The following PRELID2 variants were observed in gnomAD, a reference collection of about 807,000 sequenced individuals.
PRELID2 encodes PRELI domain containing 2, also known as PRELI domain-containing protein 2.
PRELID2 carries 25 observed loss-of-function variants against 28.4 expected under a neutral mutation model. That is an observed-to-expected ratio of 0.88 (90% CI 0.64 to 1.23). The LOEUF (loss-of-function observed/expected upper bound fraction) is 1.23, where lower values mean the gene tolerates loss of function less well. PRELID2 is among the 50% of genes most tolerant of loss of function. PRELID2 has a pLI of 0.00. For synonymous variants in PRELID2, 76 were observed against 71.6 expected, an observed-to-expected ratio of 1.06 and a Z score of -0.31; for missense variants, 201 against 214.4, an observed-to-expected ratio of 0.94 and a Z score of 0.39.
At chr5:145,775,670 C>G (rs143772101) in intron 5 of PRELID2, among the ~76,000 whole-genome samples, 3 of 152,322 alleles carry the variant, frequency 2.0e-5, no homozygotes, top group East Asian at 3.9e-4. Context: ...CCCTTCACTT[C>G]CCACTAAAAG....
intron 1 of PRELID2, among the ~76,000 whole-genome samples, chr5:145,639,137 C>T (rs547618500): frequency 6.6e-6 from 1 of 152,136 alleles, no homozygotes; most frequent in African/African-American, 2.4e-5. Context: ...TTACAAAGGT[C>T]CCTACAGAGC....
chr5:145,695,975 T>C (rs889666702), intron 1 of PRELID2, among the ~76,000 whole-genome samples: 19 of 152,124 alleles, frequency 1.2e-4, no homozygotes, highest in African/African-American at 4.3e-4. Context: ...GCTAATTAAC[T>C]ATGTTAACAT....
intron 1 of PRELID2, among the ~76,000 whole-genome samples, chr5:145,588,895 C>G (rs1242158489): frequency 6.7e-6 from 1 of 150,300 alleles, no homozygotes; most frequent in Admixed American, 6.6e-5. Context: ...AAAAAAAAAT[C>G]GTCATTTTCT....
intron 1 of PRELID2, among the ~76,000 whole-genome samples, chr5:145,638,397 A>C (rs1219497355): frequency 2.0e-5 from 3 of 149,760 alleles, no homozygotes; most frequent in Admixed American, 2.0e-4. Context: ...CCCTTCCCCC[A>C]CACACACAGT....
At chr5:145,376,386 G>A in the PRELID2 span, among the ~76,000 whole-genome samples, 1 of 152,094 alleles carries the variant, frequency 6.6e-6, no homozygotes, top group Non-Finnish European at 1.5e-5. Flanking sequence ...GCCAGGTTTT[G>A]ATATCAGAAT....
the PRELID2 span, among the ~76,000 whole-genome samples, chr5:145,349,546 T>C: frequency 6.6e-6 from 1 of 152,100 alleles, no homozygotes; most frequent in African/African-American, 2.4e-5. Flanking sequence ...CTTGAAACCA[T>C]GAAGAGACAC....
At chr5:145,255,034 T>C in the PRELID2 span, among the ~76,000 whole-genome samples, 2 of 151,960 alleles carry the variant, frequency 1.3e-5, no homozygotes, top group African/African-American at 4.8e-5. Context: ...ACTAAATTGC[T>C]CCAACACACC....
the PRELID2 span, among the ~76,000 whole-genome samples, chr5:145,452,668 G>A: frequency 7.9e-5 from 12 of 152,078 alleles, no homozygotes; most frequent in South Asian, 8.3e-4. Flanking sequence ...TCTTTTTAAC[G>A]GTGCTATTTC....
chr5:145,324,956 T>C, the PRELID2 span, among the ~76,000 whole-genome samples: 2 of 152,208 alleles, frequency 1.3e-5, no homozygotes, highest in African/African-American at 4.8e-5. Context: ...GGGCTAGTGC[T>C]TATTGAATGA....
chr5:145,532,864 C>T (rs571002147), intron 1 of PRELID2, among the ~76,000 whole-genome samples: 10 of 152,082 alleles, frequency 6.6e-5, no homozygotes, highest in African/African-American at 1.7e-4. Flanking sequence ...ATTCACCTGT[C>T]GATGCACACT....
Position 145,723,441 on chromosome 5 carries a change from G to A in PRELID2, n.70+41490C>T, listed in dbSNP as rs138307717. ...GGGATTATTGAGACCATTTTGGAACGTTTGCAAAACGTATCACAGATAAAA... is the reference window on the plus strand; with the variant it reads ...GGGATTATTGAGACCATTTTGGAACATTTGCAAAACGTATCACAGATAAAA... On this transcript the variant is annotated intron_variant and non_coding_transcript_variant, in intron 1 of 2. Transcript: ENST00000510259. Among the ~76,000 whole-genome samples, 42 of 150,512 alleles carry A rather than the reference G, an allele frequency of 2.8e-4. No homozygotes were observed. In the East Asian group the frequency reaches 6.8e-3, roughly 24 times the overall value.
chr5:145,626,976 T>C (rs1015908398), intron 1 of PRELID2, among the ~76,000 whole-genome samples: 1 of 151,466 alleles, frequency 6.6e-6, no homozygotes, highest in East Asian at 1.9e-4. Context: ...GGCAGATGCC[T>C]GTAGTCCCAG....
In PRELID2 at chr5:145,759,057, G is replaced by A. The variant is rs1269149344; in HGVS notation, c.*1479C>T. 2 of 131,544 alleles carry A rather than the reference G, an allele frequency of 1.5e-5. No individual in the cohort carries two copies. The highest frequency in any genetic ancestry group is 2.4e-4 in the East Asian group (1 of 4,234). The allele number at this position is 131,544 out of a possible 1,614,324, so 8.1% of individuals were successfully genotyped here. On this transcript the variant is annotated 3_prime_UTR_variant, in exon 7 of 7. Transcript: ENST00000683046. ...GCTCTGTCACCCAGGCTGGGGTGCA[G>A]TGGCACAATCTCAGCTTACTGCAAC...
rs536522583 is a variant in PRELID2 at position 145,582,471 on chromosome 5, C to T, written n.71-109156G>A. Among the ~76,000 whole-genome samples the T allele has an allele frequency of 5.3e-5, 8 of 152,088 alleles. No individual in the cohort carries two copies. The East Asian group carries it at 1.4e-3, about 26-fold the overall frequency. ...AAGTCGGCCCCCATGATTCAATCAC[C>T]TCCTACCAGACCCCTCCCCCAACAC... On this transcript the variant is annotated intron_variant and non_coding_transcript_variant, in intron 1 of 2. Coordinates refer to the PRELID2 transcript ENST00000510259.
At chr5:145,615,327 G>GTTTTTTTTTTTTTTTTTTTTTTTTTTTT (rs141780236) in intron 1 of PRELID2, among the ~76,000 whole-genome samples, 1 of 68,914 alleles carries the variant, frequency 1.5e-5, no homozygotes, top group Non-Finnish European at 2.6e-5. Flanking sequence ...TCTTTTTTTT[G>GTTTTTTTTTTTTTTTTTTTTTTTTTTTT]TTTTTTTTTT....
At chr5:145,267,858 G>T in the PRELID2 span, among the ~76,000 whole-genome samples, 4 of 152,212 alleles carry the variant, frequency 2.6e-5, no homozygotes, top group South Asian at 8.3e-4. Context: ...TTTAACTAGG[G>T]TAAGGTGATA....
the PRELID2 span, among the ~76,000 whole-genome samples, chr5:145,345,591 A>G: frequency 0.013 from 1,911 of 152,218 alleles, 20 homozygotes; most frequent in Non-Finnish European, 0.018. Context: ...AAAACACTCT[A>G]TAGCTGGCAT....
the PRELID2 span, among the ~76,000 whole-genome samples, chr5:145,291,926 G>A: frequency 6.6e-6 from 1 of 152,134 alleles, no homozygotes. Context: ...TTAAAAGTAA[G>A]TTGACTATAT....
chr5:145,278,316 A>G, the PRELID2 span, among the ~76,000 whole-genome samples: 18 of 152,208 alleles, frequency 1.2e-4, no homozygotes, highest in Non-Finnish European at 2.9e-5. Context: ...GTTTCTGTAT[A>G]TCAGTAGTCC....
Sources: gnomAD v4.1 joint callset for allele counts (sites outside exome capture counted in the v4.1 genomes callset) on GRCh38, gnomAD v4.1.1 for gene constraint, MANE v1.5 for transcripts, NCBI Gene and HGNC (gene_info 2026-07-23, HGNC 2026-07-21) for gene names.